TDRD1: variants seen among roughly 807,000 people sequenced by gnomAD.
The protein encoded by TDRD1 is tudor domain-containing protein 1.
Under a neutral mutation model 140.6 loss-of-function variants are expected in TDRD1, and 37 were observed. The ratio of observed to expected loss-of-function variants is 0.26; its 90% CI spans 0.20 to 0.35. The LOEUF (loss-of-function observed/expected upper bound fraction) is 0.35. Among genes scored for constraint, TDRD1 ranks in the 10% least tolerant of loss-of-function variants. The pLI is 1.00. For missense variants in TDRD1, 1,243 were observed against 1,393.0 expected, an observed-to-expected ratio of 0.89 and a Z score of 1.71; for synonymous variants, 506 against 475.7, an observed-to-expected ratio of 1.06 and a Z score of -0.83.
At chr10:114,210,641 A>G (rs367544078) in exon 12 of TDRD1, 3 of 1,611,658 alleles carry the variant, frequency 1.9e-6, no homozygotes, top group Non-Finnish European at 2.5e-6. Context: ...GACAAAAGTG[A>G]CCTAATCCCA....
At chr10:114,213,005 G>A (rs79746529) in intron 14 of TDRD1, among the ~76,000 whole-genome samples, 7 of 152,286 alleles carry the variant, frequency 4.6e-5, no homozygotes, top group African/African-American at 1.4e-4. Flanking sequence ...TCTGGACATT[G>A]TGTATCAATG....
exon 14 of TDRD1, chr10:114,211,987 C>G (rs762742675): frequency 1.2e-6 from 2 of 1,612,078 alleles, no homozygotes; most frequent in Admixed American, 1.7e-5. Context: ...GTCCCATAAT[C>G]CCAAAGTTGT....
intron 4 of TDRD1, among the ~76,000 whole-genome samples, chr10:114,200,940 C>T (rs1211774322): frequency 6.8e-6 from 1 of 146,316 alleles, no homozygotes; most frequent in Non-Finnish European, 1.5e-5. Flanking sequence ...ACTGCAACCT[C>T]TGCCTCCCGG....
chr10:114,190,257 T>C (rs35288533), intron 2 of TDRD1, among the ~76,000 whole-genome samples: 14,621 of 152,286 alleles, frequency 0.096, 788 homozygotes, highest in Middle Eastern at 0.15. Context: ...ATTATCAGCA[T>C]GTAATGCATT....
At chr10:114,213,548 T>C in exon 15 of TDRD1, 1 of 1,613,738 alleles carries the variant, frequency 6.2e-7, no homozygotes, top group Non-Finnish European at 8.5e-7. Context: ...GAGAACAGAG[T>C]ATGGTGACAG....
exon 8 of TDRD1, chr10:114,203,528 T>G (rs1247550348): frequency 6.2e-7 from 1 of 1,612,058 alleles, no homozygotes; most frequent in South Asian, 1.1e-5. Flanking sequence ...ATATTCCTGT[T>G]AAGGGGGAAG....
At chr10:114,216,205 T>G (rs945215707) in intron 16 of TDRD1, among the ~76,000 whole-genome samples, 5 of 152,198 alleles carry the variant, frequency 3.3e-5, no homozygotes, top group African/African-American at 1.2e-4. Flanking sequence ...AACCCCAAAC[T>G]TTATTTGGTT....
intron 11 of TDRD1, among the ~76,000 whole-genome samples, chr10:114,208,331 T>C (rs1041191268): frequency 2.6e-5 from 4 of 152,212 alleles, no homozygotes; most frequent in Non-Finnish European, 4.4e-5. Context: ...TTGGTGGGTA[T>C]GGAAGAATCA....
intron 3 of TDRD1, 23 bp from the exon 4 acceptor site, chr10:114,199,150 T>C (rs369723467): frequency 1.8e-5 from 28 of 1,598,200 alleles, no homozygotes; most frequent in Non-Finnish European, 2.4e-5. Context: ...AATTCTAACA[T>C]TGCTCTTCTT....
chr10:114,225,462 C>T (rs1295986940), intron 21 of TDRD1, among the ~76,000 whole-genome samples: 2 of 152,032 alleles, frequency 1.3e-5, no homozygotes, highest in Admixed American at 6.6e-5. Context: ...GTTGAGCTAC[C>T]ATGGCTCTAC....
At chr10:114,212,461 A>C (rs2035547506) in intron 14 of TDRD1, among the ~76,000 whole-genome samples, 1 of 152,168 alleles carries the variant, frequency 6.6e-6, no homozygotes. Context: ...CCCAACGAAA[A>C]AGTATGAGAG....
At chr10:114,199,443 G>A in intron 4 of TDRD1, 126 bp downstream of exon 4, 1 of 1,193,182 alleles carries the variant, frequency 8.4e-7, no homozygotes, top group Non-Finnish European at 1.1e-6. Flanking sequence ...ACCCGTCTCA[G>A]CCTCAGCAGC....
exon 26 of TDRD1, chr10:114,232,188 A>G (rs1408153529): frequency 6.6e-6 from 1 of 152,014 alleles, no homozygotes; most frequent in Non-Finnish European, 1.5e-5. Context: ...TGGAGAAGGA[A>G]CTTTATGTTC....
chr10:114,182,394 AG>A (rs2033143523), intron 1 of TDRD1, among the ~76,000 whole-genome samples: 1 of 152,242 alleles, frequency 6.6e-6, no homozygotes, highest in African/African-American at 2.4e-5. Context: ...TTCTCCAAAT[AG>A]GGTGGACCTT....
At position 114,203,282 on chromosome 10, in the gene TDRD1, A is replaced by G. The variant is rs1341798872; in HGVS notation, c.801+106A>G. 2.7e-6 allele frequency: 4 copies of G among 1,499,852 alleles called. No individual in the cohort carries two copies. The East Asian group carries it at 9.1e-5, about 34-fold the overall frequency. The allele number at this position is 1,499,852 out of a possible 1,614,324, so 92.9% of individuals were successfully genotyped here. A position where few individuals can be genotyped will look rare whatever the true frequency, so the allele number is the denominator to read the frequency against. Reference sequence around the variant, plus strand: ...GGTAGCTACAAAACATAAACATTGCAAAAACTGCCTACAATGCTGTTTGTG... The same window carrying G: ...GGTAGCTACAAAACATAAACATTGCGAAAACTGCCTACAATGCTGTTTGTG... On this transcript the variant is annotated intron_variant, in intron 7 of 25. Coordinates refer to ENST00000251864, the Ensembl canonical transcript of TDRD1.
intron 3 of TDRD1, among the ~76,000 whole-genome samples, chr10:114,192,581 C>G (rs1438097304): frequency 6.6e-6 from 1 of 152,112 alleles, no homozygotes; most frequent in Non-Finnish European, 1.5e-5. Flanking sequence ...GCTAGGATTA[C>G]AGGCGTGAGC....
At chr10:114,232,504 CTTT>C (rs140805425), downstream of TDRD1, among the ~76,000 whole-genome samples, 703 of 81,532 alleles carry the variant, frequency 8.6e-3, 3 homozygotes, top group African/African-American at 0.029. Flanking sequence ...ACTTGAAAGA[CTTT>C]TTTTTTTTTT....
At chr10:114,180,460 C>T (rs1022127563) in intron 1 of TDRD1, among the ~76,000 whole-genome samples, 7 of 152,106 alleles carry the variant, frequency 4.6e-5, no homozygotes, top group African/African-American at 1.7e-4. Flanking sequence ...TGTTTAAAAC[C>T]GGAGTGTTTT....
intron 1 of TDRD1, among the ~76,000 whole-genome samples, chr10:114,182,690 CTT>C (rs34137706): frequency 3.8e-4 from 55 of 144,478 alleles, no homozygotes; most frequent in Non-Finnish European, 6.1e-4. Flanking sequence ...ATACGAATAT[CTT>C]TTTTTTTTTT....
Sources: gnomAD v4.1 joint callset for allele counts (sites outside exome capture counted in the v4.1 genomes callset) on GRCh38, gnomAD v4.1.1 for gene constraint, MANE v1.5 for transcripts, NCBI Gene and HGNC (gene_info 2026-07-23, HGNC 2026-07-21) for gene names.